The following PDK3 variants were observed in gnomAD, a reference collection of about 807,000 sequenced individuals.
PDK3 encodes the protein pyruvate dehydrogenase kinase 3.
In PDK3, 12 loss-of-function variants were observed where a neutral mutation model predicts 32.0. The observed-to-expected ratio is 0.37, with a 90% confidence interval of 0.24 to 0.61. The LOEUF (loss-of-function observed/expected upper bound fraction) is 0.61. Among genes scored for constraint, PDK3 ranks in the 20% least tolerant of loss-of-function variants. The pLI is 0.65. For synonymous variants in PDK3, 122 were observed against 116.3 expected (o/e 1.05, Z -0.31); for missense variants, 188 against 316.9 (o/e 0.59, Z 3.09).
chrX:24,521,508 G>A (rs1922397104), intron 6 of PDK3, among the ~76,000 whole-genome samples: 1 of 110,481 alleles, frequency 9.1e-6, no homozygotes, highest in East Asian at 2.8e-4. Context: ...GGACCGAGTG[G>A]GCTTGTCTGG....
At chrX:24,544,811 G>C (rs1922963773) in exon 12 of PDK3, among the ~76,000 whole-genome samples, 1 of 111,954 alleles carries the variant, frequency 8.9e-6, no homozygotes, top group South Asian at 3.7e-4. Flanking sequence ...ATATAAACAT[G>C]CATTTATTCT....
At chrX:24,476,676 G>T (rs1462186231) in intron 1 of PDK3, among the ~76,000 whole-genome samples, 1 of 111,960 alleles carries the variant, frequency 8.9e-6, no homozygotes, top group East Asian at 2.8e-4. Context: ...AACCAGCATT[G>T]ACCCATCATT....
intron 1 of PDK3, among the ~76,000 whole-genome samples, chrX:24,479,134 G>T (rs1246935535): frequency 8.9e-6 from 1 of 112,377 alleles, no homozygotes; most frequent in Non-Finnish European, 1.9e-5. Context: ...CCTTAAGCTT[G>T]CTAGCAGATA....
At chrX:24,506,382 A>G (rs1375831723) in intron 5 of PDK3, among the ~76,000 whole-genome samples, 2 of 112,270 alleles carry the variant, frequency 1.8e-5, no homozygotes, top group Non-Finnish European at 3.8e-5. Flanking sequence ...CATAGCTTAC[A>G]TGTTCATTAG....
chrX:24,476,790 C>T (rs2148181287), intron 1 of PDK3, among the ~76,000 whole-genome samples: 1 of 112,337 alleles, frequency 8.9e-6, no homozygotes, highest in African/African-American at 3.2e-5. Context: ...TGGAACACAG[C>T]CATGCTCATT....
intron 1 of PDK3, among the ~76,000 whole-genome samples, chrX:24,487,696 C>T (rs772628642): frequency 2.7e-5 from 3 of 109,272 alleles, no homozygotes; most frequent in South Asian, 3.9e-4. Context: ...TGGTGCCTTG[C>T]GGGTAATTTT....
At chrX:24,516,257 A>G (rs1049792716) in intron 5 of PDK3, among the ~76,000 whole-genome samples, 2 of 111,766 alleles carry the variant, frequency 1.8e-5, no homozygotes, top group African/African-American at 6.5e-5. Context: ...TATAAAGGAA[A>G]TAAGAGCCTG....
chrX:24,475,931 G>A (rs781181766), intron 1 of PDK3, among the ~76,000 whole-genome samples: 22 of 111,570 alleles, frequency 2.0e-4, no homozygotes, highest in East Asian at 8.5e-4. Context: ...ATCTATTGAT[G>A]GTTGGGTGGT....
chrX:24,475,427 C>G (rs1053426901), intron 1 of PDK3, among the ~76,000 whole-genome samples: 4 of 111,229 alleles, frequency 3.6e-5, no homozygotes, highest in African/African-American at 1.3e-4. Context: ...GAGGCTGAGG[C>G]AGGAGGATCG....
rs192053128 is a variant in PDK3 at position 24,514,995 on chromosome X, C to A, written c.596-3938C>A. Among the ~76,000 whole-genome samples the A allele has an allele frequency of 4.3e-3, 486 of 111,936 alleles. 3 individuals are homozygous for A. Among genetic ancestry groups the A allele is most frequent in the African/African-American group, 0.014 (437 of 30,857 alleles). ...TTCCCAGTCTCACCAAAAGGAACACCTCCCGTCAGTGTAATTTACTGCATG... is the reference window on the plus strand; with the variant it reads ...TTCCCAGTCTCACCAAAAGGAACACATCCCGTCAGTGTAATTTACTGCATG... On this transcript the variant is annotated intron_variant, in intron 5 of 10. Coordinates refer to ENST00000379162, the MANE Select transcript of PDK3 (RefSeq NM_005391.5).
intron 2 of PDK3, among the ~76,000 whole-genome samples, chrX:24,497,282 ATTTAT>A (rs1326621643): frequency 9.1e-6 from 1 of 110,125 alleles, no homozygotes; most frequent in Admixed American, 9.7e-5. Context: ...ACTTTTATTT[ATTTAT>A]TTTATTTATT....
intron 10 of PDK3, 85 bp downstream of exon 10, chrX:24,531,855 C>T: frequency 2.1e-6 from 1 of 468,740 alleles, no homozygotes; most frequent in Non-Finnish European, 3.8e-6. Context: ...AGCACTGTAT[C>T]ATCTCTTAGA....
intron 1 of PDK3, among the ~76,000 whole-genome samples, chrX:24,488,248 C>T (rs758178751): frequency 9.0e-6 from 1 of 111,411 alleles, no homozygotes; most frequent in East Asian, 2.8e-4. Context: ...CCCTGCATTA[C>T]ATTGAAAGTC....
chrX:24,528,065 G>T lies in PDK3; in HGVS notation c.853-11G>T. 1 of 1,025,448 alleles carries T rather than the reference G, an allele frequency of 9.8e-7. No individual in the cohort carries two copies. The highest frequency in any genetic ancestry group is 1.4e-6 in the Non-Finnish European group (1 of 727,202). The allele number at this position is 1,025,448 out of a possible 1,213,427, so 84.5% of individuals were successfully genotyped here. Reference sequence around the variant, plus strand: ...TCTTTGTTTTGATTGTTAACATTTTGAACATTGCAGATCAGTGACCTAGGT... The same window carrying T: ...TCTTTGTTTTGATTGTTAACATTTTTAACATTGCAGATCAGTGACCTAGGT... On this transcript the variant is annotated splice_polypyrimidine_tract_variant and intron_variant, in intron 8 of 10. Coordinates refer to ENST00000379162, the MANE Select transcript of PDK3 (RefSeq NM_005391.5).
intron 7 of PDK3, among the ~76,000 whole-genome samples, 177 bp downstream of exon 7, chrX:24,526,451 G>A (rs1299598133): frequency 8.9e-6 from 1 of 112,138 alleles, no homozygotes; most frequent in East Asian, 2.8e-4. Flanking sequence ...AGAAATTGCT[G>A]TGTACACTAT....
At chrX:24,505,167 G>A (rs1232387144) in intron 4 of PDK3, 42 bp from the exon 5 acceptor site, 10 of 980,185 alleles carry the variant, frequency 1.0e-5, no homozygotes, top group Non-Finnish European at 1.3e-5. Context: ...ATCCCAGCCT[G>A]CTGTGTTTTA....
At chrX:24,546,096 C>T (rs1922990761) in exon 12 of PDK3, 1 of 111,907 alleles carries the variant, frequency 8.9e-6, no homozygotes, top group Non-Finnish European at 1.9e-5. Context: ...GCTCTGCACT[C>T]AACTTTGTAG....
chrX:24,539,779 A>G (rs1223496544), exon 12 of PDK3: 1 of 112,264 alleles, frequency 8.9e-6, no homozygotes, highest in Non-Finnish European at 1.9e-5. Context: ...CCTTGGTTTT[A>G]TTTTAAAATT....
chrX:24,548,327 G>T (rs1408247274), exon 12 of PDK3: 2 of 112,254 alleles, frequency 1.8e-5, no homozygotes, highest in Non-Finnish European at 3.8e-5. Flanking sequence ...ATTTGATTTT[G>T]TTTGATAATT....
Sources: allele counts gnomAD v4.1 joint callset (sites outside exome capture counted in the v4.1 genomes callset), GRCh38; gene constraint gnomAD v4.1.1; transcripts MANE v1.5; gene names NCBI Gene and HGNC (gene_info 2026-07-23, HGNC 2026-07-21).